The following ASCC3 variants were observed in gnomAD, a reference collection of about 807,000 sequenced individuals.
ASCC3 encodes activating signal cointegrator 1 complex subunit 3, also known as ASC-1 complex subunit P200.
ASCC3 carries 158 observed loss-of-function variants against 256.3 expected under a neutral mutation model. The observed-to-expected ratio is 0.62, with a 90% CI of 0.54 to 0.70. ASCC3 has a LOEUF of 0.70. ASCC3 is among the 30% of genes least tolerant of loss of function. The pLI is 0.00. For missense variants in ASCC3, 2,259 were observed against 2,626.0 expected (o/e 0.86, Z 3.05); for synonymous variants, 948 against 883.4 (o/e 1.07, Z -1.30).
At chr6:100,625,854 G>T (rs240149) in intron 29 of ASCC3, among the ~76,000 whole-genome samples, 74,347 of 151,856 alleles carry the variant, frequency 0.49, 18,343 homozygotes, top group East Asian at 0.68. Flanking sequence ...GGAGAAGTTT[G>T]TACCAGTAAA....
At chr6:100,679,418 G>A (rs775743368) in intron 14 of ASCC3, among the ~76,000 whole-genome samples, 200 bp downstream of exon 14, 24 of 152,092 alleles carry the variant, frequency 1.6e-4, no homozygotes, top group Non-Finnish European at 3.4e-4. Flanking sequence ...TAACCATATA[G>A]AAAGGAATGA....
intron 14 of ASCC3, among the ~76,000 whole-genome samples, chr6:100,673,574 A>G (rs947266036): frequency 1.3e-5 from 2 of 152,228 alleles, no homozygotes; most frequent in Admixed American, 1.3e-4. Context: ...ATAACAAAAG[A>G]AACAAGGATA....
intron 39 of ASCC3, 46 bp from the exon 40 acceptor site, chr6:100,512,964 A>C (rs749579813): frequency 5.3e-6 from 8 of 1,522,898 alleles, no homozygotes; most frequent in Admixed American, 1.7e-5. Context: ...GTTTATGTGA[A>C]ATGCAATGAT....
At chr6:100,701,984 G>A (rs557849683) in intron 13 of ASCC3, among the ~76,000 whole-genome samples, 1 of 152,178 alleles carries the variant, frequency 6.6e-6, no homozygotes, top group East Asian at 1.9e-4. Flanking sequence ...TAAAGAAGAA[G>A]CAGGTAATGG....
chr6:100,509,542 T>C lies in ASCC3; in HGVS notation c.6462-9A>G. 6.2e-7 allele frequency: 1 copy of C among 1,608,814 alleles called. No individual in the cohort carries two copies. The highest frequency in any genetic ancestry group is 8.5e-7 in the Non-Finnish European group (1 of 1,175,798). ...ATAATGTGTAGATATACCTAAAATA[T>C]AAAAATAGAAGAAAAATGTAAAACC... On this transcript the variant is annotated splice_polypyrimidine_tract_variant and intron_variant, in intron 41 of 41. Transcript: ENST00000369162.
At chr6:100,674,156 A>AT (rs1330272800) in intron 14 of ASCC3, among the ~76,000 whole-genome samples, 8 of 151,986 alleles carry the variant, frequency 5.3e-5, no homozygotes, top group Non-Finnish European at 1.0e-4. Context: ...ATTATCAAAA[A>AT]TTTTTTTAAA....
At chr6:100,537,740 T>C (rs1775232762) in intron 37 of ASCC3, among the ~76,000 whole-genome samples, 1 of 151,962 alleles carries the variant, frequency 6.6e-6, no homozygotes, top group Non-Finnish European at 1.5e-5. Context: ...GACTTTAATT[T>C]TAGTATGCTG....
chr6:100,634,628 T>A (rs570142595), intron 25 of ASCC3, among the ~76,000 whole-genome samples: 11 of 152,090 alleles, frequency 7.2e-5, no homozygotes, highest in Admixed American at 1.3e-4. Context: ...AAATGGCCAT[T>A]GGATACATGA....
At chr6:100,590,329 TA>T (rs896036881) in intron 34 of ASCC3, among the ~76,000 whole-genome samples, 2 of 152,050 alleles carry the variant, frequency 1.3e-5, no homozygotes, top group African/African-American at 4.8e-5. Flanking sequence ...TAAAGCATTC[TA>T]ACCAAGTCTT....
chr6:100,764,813 C>A (rs1781574091), intron 10 of ASCC3, among the ~76,000 whole-genome samples: 1 of 152,108 alleles, frequency 6.6e-6, no homozygotes, highest in Admixed American at 6.6e-5. Flanking sequence ...AGGGCTTCAA[C>A]ATATAAATTG....
chr6:100,764,301 G>T (rs780197997), intron 10 of ASCC3, among the ~76,000 whole-genome samples: 1 of 152,134 alleles, frequency 6.6e-6, no homozygotes, highest in African/African-American at 2.4e-5. Context: ...TACAGAATTT[G>T]AACTGGGTTT....
rs1177392636 is a variant in ASCC3, at chr6:100,868,022, C to G, written c.-25G>C. 1 of 1,546,100 alleles carries G rather than the reference C, an allele frequency of 6.5e-7. No individual in the cohort carries two copies. The highest frequency in any genetic ancestry group is 8.9e-7 in the Non-Finnish European group (1 of 1,119,112). On this transcript the variant is annotated 5_prime_UTR_variant, in exon 2 of 42. Transcript: ENST00000369162. ...TCTATTATTCAATCAGTGATCCATA[C>G]AGCAAGAAACCTGAAACTGAAACAA...
At chr6:100,598,991 T>C (rs1262448897) in intron 34 of ASCC3, among the ~76,000 whole-genome samples, 1 of 152,134 alleles carries the variant, frequency 6.6e-6, no homozygotes. Context: ...ACAGTGATAA[T>C]ATTAAGAAAA....
intron 3 of ASCC3, chr6:100,858,660 T>TC: frequency 3.0e-6 from 3 of 1,006,670 alleles, no homozygotes; most frequent in Non-Finnish European, 3.6e-6. Flanking sequence ...CACACACACA[T>TC]CATGTGTATT....
intron 33 of ASCC3, among the ~76,000 whole-genome samples, chr6:100,604,795 GAACCAAC>G (rs1772802559): frequency 6.6e-6 from 1 of 151,944 alleles, no homozygotes; most frequent in African/African-American, 2.4e-5. Flanking sequence ...AAAATAAAAA[GAACCAAC>G]AATTATATAC....
At chr6:100,615,533 A>G (rs1031647877) in intron 30 of ASCC3, among the ~76,000 whole-genome samples, 4 of 152,166 alleles carry the variant, frequency 2.6e-5, no homozygotes, top group African/African-American at 9.7e-5. Flanking sequence ...GGGATAATAA[A>G]AACTACCCTT....
chr6:100,513,723 T>C (rs1773889494), intron 39 of ASCC3, among the ~76,000 whole-genome samples: 1 of 152,106 alleles, frequency 6.6e-6, no homozygotes, highest in African/African-American at 2.4e-5. Context: ...TACTTGCTCT[T>C]GAAGTGGAAA....
At chr6:100,536,064 T>C (rs1227179869) in intron 37 of ASCC3, among the ~76,000 whole-genome samples, 1 of 152,136 alleles carries the variant, frequency 6.6e-6, no homozygotes, top group Admixed American at 6.5e-5. Context: ...TGCGTGTAAA[T>C]GTATGAAGAA....
intron 36 of ASCC3, among the ~76,000 whole-genome samples, chr6:100,567,311 TCACTAAA>T (rs913118370): frequency 6.6e-6 from 1 of 152,174 alleles, no homozygotes; most frequent in Non-Finnish European, 1.5e-5. Context: ...TTTTTTCCTT[TCACTAAA>T]CAGTATGTTG....
Sources: gnomAD v4.1 joint callset for allele counts (sites outside exome capture counted in the v4.1 genomes callset) on GRCh38, gnomAD v4.1.1 for gene constraint, MANE v1.5 for transcripts, NCBI Gene and HGNC (gene_info 2026-07-23, HGNC 2026-07-21) for gene names.